The following PARP16 variants were observed in gnomAD, a reference collection of about 807,000 sequenced individuals.
PARP16 encodes protein mono-ADP-ribosyltransferase PARP16.
A neutral mutation model predicts 35.0 loss-of-function variants in PARP16; 31 were observed. That is an observed-to-expected ratio of 0.88 (90% CI 0.66 to 1.19). PARP16 has a LOEUF of 1.19. PARP16 is among the 50% of genes most tolerant of loss of function. The pLI is 0.00. For missense variants in PARP16, 424 were observed against 411.2 expected (o/e 1.03, Z -0.27); for synonymous variants, 162 against 169.5 (o/e 0.96, Z 0.34).
chr15:65,253,823 G>C (rs948090707), downstream of PARP16, among the ~76,000 whole-genome samples: 4 of 151,672 alleles, frequency 2.6e-5, no homozygotes, highest in Non-Finnish European at 4.4e-5. Flanking sequence ...CAGGAAACCA[G>C]ATTTGTTTTT....
chr15:65,268,655 G>A (rs1051797890), intron 2 of PARP16, among the ~76,000 whole-genome samples: 3 of 152,230 alleles, frequency 2.0e-5, no homozygotes, highest in African/African-American at 7.2e-5. Context: ...ATGTTGCCCA[G>A]GCTGGTCTTG....
At position 65,260,964 on chromosome 15, in the gene PARP16, G is replaced by C; in HGVS notation, c.754C>G (p.Pro252Ala). 6.2e-7 allele frequency: 1 copy of C among 1,613,864 alleles called. No homozygotes were observed. The highest frequency in any genetic ancestry group is 8.5e-7 in the Non-Finnish European group (1 of 1,179,786). The change falls in exon 5 of 6, where the codon CCC becomes GCC. Residue 252 changes from proline (P) to alanine (A), a missense_variant. Pro to Ala is a conservative substitution (Grantham distance 27, BLOSUM62 -1). Coordinates refer to ENST00000649807, the MANE Select transcript of PARP16 (RefSeq NM_001316943.2). ...IKHSEGGDIP[P>A]KYFVVTNNQL... ...TTATTGGTGACCACGAAGTACTTGG[G>C]AGGGATGTCTCCCCCTTCACTATGT...
intron 1 of PARP16, among the ~76,000 whole-genome samples, chr15:65,274,795 C>A (rs2140937512): frequency 6.6e-6 from 1 of 151,966 alleles, no homozygotes; most frequent in South Asian, 2.1e-4. Flanking sequence ...AGTGGGGAGG[C>A]AGAAAGGTAA....
intron 1 of PARP16, among the ~76,000 whole-genome samples, chr15:65,276,521 G>A (rs1416249326): frequency 1.3e-5 from 2 of 152,068 alleles, no homozygotes; most frequent in African/African-American, 4.8e-5. Flanking sequence ...CTAAAGGTAT[G>A]TGACATCATG....
intron 2 of PARP16, among the ~76,000 whole-genome samples, chr15:65,249,058 A>G (rs1183170528): frequency 1.3e-5 from 2 of 152,216 alleles, no homozygotes; most frequent in Non-Finnish European, 2.9e-5. Context: ...CTCAGCCACC[A>G]GCCTGATCTT....
At chr15:65,281,689 C>T (rs1340445843) in intron 1 of PARP16, among the ~76,000 whole-genome samples, 1 of 128,264 alleles carries the variant, frequency 7.8e-6, no homozygotes, top group Non-Finnish European at 1.7e-5. Flanking sequence ...GAAACTCCAT[C>T]TCAAAAAAAA....
chr15:65,238,417 TC>T (rs1179443800), intron 3 of PARP16, among the ~76,000 whole-genome samples: 5 of 152,190 alleles, frequency 3.3e-5, no homozygotes, highest in Non-Finnish European at 5.9e-5. Context: ...ACCACATCTG[TC>T]CCTGGCCCAG....
intron 3 of PARP16, among the ~76,000 whole-genome samples, chr15:65,237,185 A>G (rs895779462): frequency 3.3e-5 from 5 of 152,012 alleles, no homozygotes; most frequent in African/African-American, 1.2e-4. Flanking sequence ...ACACAGGCTG[A>G]AGCCAGCTGC....
At chr15:65,265,233 A>G (rs1303600945) in intron 3 of PARP16, among the ~76,000 whole-genome samples, 1 of 152,182 alleles carries the variant, frequency 6.6e-6, no homozygotes, top group African/African-American at 2.4e-5. Context: ...AGCTCCTCCA[A>G]CTACCCTAGA....
chr15:65,239,363 G>T (rs2088974457), intron 3 of PARP16, among the ~76,000 whole-genome samples: 2 of 125,150 alleles, frequency 1.6e-5, no homozygotes, highest in African/African-American at 5.9e-5. Context: ...GGAGGCAGAA[G>T]TTGCAGTGAG....
chr15:65,251,515 G>A (rs1472276165), intron 2 of PARP16, among the ~76,000 whole-genome samples: 1 of 151,112 alleles, frequency 6.6e-6, no homozygotes, highest in East Asian at 2.0e-4. Context: ...GCTTTCCACT[G>A]TGTTGGCATC....
intron 3 of PARP16, among the ~76,000 whole-genome samples, chr15:65,240,323 A>AGTGTGT (rs34811236): frequency 0.044 from 5,518 of 126,020 alleles, 174 homozygotes; most frequent in Middle Eastern, 0.062. Flanking sequence ...GGGGGGGGCT[A>AGTGTGT]GTGTGTGTGT....
intron 1 of PARP16, among the ~76,000 whole-genome samples, chr15:65,284,811 C>CTTTTTTTTTT: frequency 1.4e-5 from 1 of 72,216 alleles, no homozygotes; most frequent in Non-Finnish European, 2.5e-5. Context: ...AATCCAACGT[C>CTTTTTTTTTT]TTTTTTTTTT....
chr15:65,277,086 C>A (rs952776800), intron 1 of PARP16, among the ~76,000 whole-genome samples: 1 of 152,042 alleles, frequency 6.6e-6, no homozygotes, highest in African/African-American at 2.4e-5. Flanking sequence ...TAATAAGGCA[C>A]TTAGGAATCC....
intron 2 of PARP16, among the ~76,000 whole-genome samples, chr15:65,251,581 A>G (rs8041559): frequency 0.71 from 108,513 of 151,908 alleles, 39,724 homozygotes; most frequent in East Asian, 0.99. Flanking sequence ...AGGACCACTG[A>G]AAATGCAAGT....
chr15:65,276,664 G>C (rs2090266770), intron 1 of PARP16, among the ~76,000 whole-genome samples: 1 of 152,086 alleles, frequency 6.6e-6, no homozygotes, highest in Non-Finnish European at 1.5e-5. Flanking sequence ...CCTGTGTTCA[G>C]CCAACAAATT....
chr15:65,257,873 C>A (rs1427547131), downstream of PARP16, among the ~76,000 whole-genome samples: 1 of 152,174 alleles, frequency 6.6e-6, no homozygotes, highest in African/African-American at 2.4e-5. Context: ...GGCTTTCTGA[C>A]TTTGATCCTG....
chr15:65,266,075 C>T (rs552413826), intron 3 of PARP16, among the ~76,000 whole-genome samples: 2 of 152,198 alleles, frequency 1.3e-5, no homozygotes, highest in South Asian at 4.1e-4. Flanking sequence ...ATTACAGGCA[C>T]CCACCACCAT....
intron 2 of PARP16, among the ~76,000 whole-genome samples, chr15:65,250,025 G>A (rs1250357845): frequency 2.0e-5 from 3 of 151,556 alleles, no homozygotes; most frequent in Non-Finnish European, 2.9e-5. Flanking sequence ...GCCTGGTGTC[G>A]GCACTCTTGT....
Sources: gnomAD v4.1 joint callset for allele counts (sites outside exome capture counted in the v4.1 genomes callset) on GRCh38, gnomAD v4.1.1 for gene constraint, MANE v1.5 for transcripts, NCBI Gene and HGNC (gene_info 2026-07-23, HGNC 2026-07-21) for gene names.